The following PTPRQ variants were observed in gnomAD, a reference collection of about 807,000 sequenced individuals.
The protein encoded by PTPRQ is protein tyrosine phosphatase receptor type Q.
A neutral mutation model predicts 246.0 loss-of-function variants in PTPRQ; 199 were observed. That is an observed-to-expected ratio of 0.81 (90% confidence interval 0.72 to 0.91). The LOEUF (loss-of-function observed/expected upper bound fraction) is 0.91, where lower values mean the gene tolerates loss of function less well. Ranked by LOEUF, PTPRQ falls within the 40% of genes least tolerant of loss-of-function variation. The pLI is 0.00. For synonymous variants in PTPRQ, 869 were observed against 853.2 expected (o/e 1.02, Z -0.32); for missense variants, 2,624 against 2,528.4 (o/e 1.04, Z -0.81).
Position 80,499,995 on chromosome 12 carries a change from C to T in PTPRQ, c.2272+3464C>T, listed in dbSNP as rs114463882. ...TTACTGTAAGCCTTTAACAAAACAC[C>T]TTGTCTGATTTGGGGCAACAACCAT... On this transcript the variant is annotated intron_variant, in intron 14 of 44. Transcript: ENST00000644991. Among the ~76,000 whole-genome samples, 887 of 152,006 alleles carry T rather than the reference C, an allele frequency of 5.8e-3. 10 individuals are homozygous for T. Among genetic ancestry groups the T allele is most frequent in the African/African-American group, 0.021 (860 of 41,496 alleles).
chr12:80,641,185 G>C (rs1899843209), intron 35 of PTPRQ, among the ~76,000 whole-genome samples: 2 of 152,166 alleles, frequency 1.3e-5, no homozygotes, highest in African/African-American at 2.4e-5. Context: ...CTGATGCTCA[G>C]AAATGCCATT....
chr12:80,532,294 C>T (rs1032796010), intron 17 of PTPRQ, among the ~76,000 whole-genome samples: 1 of 151,956 alleles, frequency 6.6e-6, no homozygotes, highest in Non-Finnish European at 1.5e-5. Context: ...CCGATATTGG[C>T]TCACTTCAGC....
At chr12:80,641,682 G>A (rs1410800928) in intron 35 of PTPRQ, among the ~76,000 whole-genome samples, 1 of 152,160 alleles carries the variant, frequency 6.6e-6, no homozygotes, top group Non-Finnish European at 1.5e-5. Flanking sequence ...TTAAACTGAA[G>A]ATTTAATTGA....
chr12:80,555,005 T>C (rs1180765772), intron 25 of PTPRQ, among the ~76,000 whole-genome samples: 3 of 151,738 alleles, frequency 2.0e-5, no homozygotes, highest in African/African-American at 7.3e-5. Flanking sequence ...CCTCCACCTC[T>C]CAGGTTCAAG....
At chr12:80,575,495 T>C (rs904159457) in intron 25 of PTPRQ, among the ~76,000 whole-genome samples, 1 of 151,468 alleles carries the variant, frequency 6.6e-6, no homozygotes, top group African/African-American at 2.4e-5. Context: ...AGGTGGAGGA[T>C]TGCTTAAGCC....
chr12:80,624,293 CTATGTG>C (rs1899112973), intron 33 of PTPRQ, among the ~76,000 whole-genome samples: 1 of 152,118 alleles, frequency 6.6e-6, no homozygotes, highest in African/African-American at 2.4e-5. Flanking sequence ...AGGAAGGGTC[CTATGTG>C]TCTATGATCA....
chr12:80,478,173 C>A (rs1017875298), intron 8 of PTPRQ, among the ~76,000 whole-genome samples: 2 of 147,384 alleles, frequency 1.4e-5, no homozygotes, highest in African/African-American at 5.3e-5. Flanking sequence ...CAGCACGCAG[C>A]TGGAGATCTG....
rs145900554 is a variant in PTPRQ, at chr12:80,513,077, CT to C, written c.2678+2638del. Among the ~76,000 whole-genome samples the C allele has an allele frequency of 5.8e-3, 881 of 152,076 alleles. 10 individuals are homozygous for C. The highest frequency in any genetic ancestry group is 0.021 in the African/African-American group (855 of 41,462). ...CAGTGGGCGTGTGTTACAGTATGCT[CT>C]TTTAGTTTAGCCATCCGTAGGGGGC... On this transcript the variant is annotated intron_variant, in intron 17 of 44. Transcript: ENST00000644991.
Position 80,495,305 on chromosome 12 carries a change from G to T in PTPRQ, c.1816G>T (p.Ala606Ser). 1 of 1,545,446 alleles carries T rather than the reference G, an allele frequency of 6.5e-7. No homozygotes were observed. The highest frequency in any genetic ancestry group is 2.5e-5 in the East Asian group (1 of 40,710). Reference protein sequence around the residue: ...NGKITHYTIYAMELDTNRAFQ... With the variant: ...NGKITHYTIYSMELDTNRAFQ... ...AAAAATAACTCACTATACGATTTAT[G>T]CAATGGAATTGGATACAAACAGAGC... The change falls in exon 12 of 45, where the codon GCA (alanine) becomes TCA (serine). Residue 606 changes from alanine (A) to serine (S), a missense_variant. By Grantham distance (99) the Ala-to-Ser change is moderately conservative (BLOSUM62 1). Transcript: ENST00000644991.
At chr12:80,581,120 C>T (rs897185274) in intron 25 of PTPRQ, among the ~76,000 whole-genome samples, 5 of 152,138 alleles carry the variant, frequency 3.3e-5, no homozygotes, top group Non-Finnish European at 7.4e-5. Flanking sequence ...ATGGGATTAG[C>T]AAAGGGCAGC....
intron 22 of PTPRQ, 41 bp downstream of exon 22, chr12:80,542,405 G>C (rs747216190): frequency 9.3e-5 from 140 of 1,510,432 alleles, no homozygotes; most frequent in Middle Eastern, 1.7e-4. Context: ...TTTCACTGTT[G>C]CAGCGCCTGC....
At chr12:80,657,934 A>G in intron 38 of PTPRQ, 51 bp from the exon 39 acceptor site, 1 of 1,261,920 alleles carries the variant, frequency 7.9e-7, no homozygotes, top group Non-Finnish European at 1.1e-6. Flanking sequence ...TAAAAAAAGT[A>G]GTAACAATTT....
At chr12:80,522,536 C>T (rs1895533930) in intron 17 of PTPRQ, among the ~76,000 whole-genome samples, 1 of 152,076 alleles carries the variant, frequency 6.6e-6, no homozygotes, top group African/African-American at 2.4e-5. Flanking sequence ...AAATACGTCC[C>T]ATCAATACCT....
chr12:80,459,566 T>A (rs1185557081), intron 5 of PTPRQ, 83 bp downstream of exon 5: 1 of 397,112 alleles, frequency 2.5e-6, no homozygotes, highest in Admixed American at 4.4e-5. Context: ...AGATACTATA[T>A]TTTTACCAAA....
At chr12:80,604,157 C>A (rs1898233840) in intron 26 of PTPRQ, among the ~76,000 whole-genome samples, 1 of 151,338 alleles carries the variant, frequency 6.6e-6, no homozygotes. Flanking sequence ...ATAATGTTTG[C>A]CCATATGTAT....
At chr12:80,487,016 T>A (rs1344571856) in intron 9 of PTPRQ, among the ~76,000 whole-genome samples, 4 of 152,166 alleles carry the variant, frequency 2.6e-5, no homozygotes, top group African/African-American at 9.6e-5. Context: ...AACTTTTTAG[T>A]GAAGATGTTC....
chr12:80,575,872 A>AAAAAGAAAAG (rs200396697), intron 25 of PTPRQ, among the ~76,000 whole-genome samples: 2 of 151,396 alleles, frequency 1.3e-5, no homozygotes, highest in African/African-American at 4.9e-5. Flanking sequence ...AAAGAAAAAG[A>AAAAAGAAAAG]AAAAGAAAAG....
chr12:80,587,228 T>G (rs1341738455), intron 25 of PTPRQ, among the ~76,000 whole-genome samples: 1 of 152,196 alleles, frequency 6.6e-6, no homozygotes, highest in Non-Finnish European at 1.5e-5. Context: ...TTTCTAAATA[T>G]TTATTAATTT....
At chr12:80,594,827 A>G (rs1294892448) in intron 26 of PTPRQ, among the ~76,000 whole-genome samples, 1 of 152,098 alleles carries the variant, frequency 6.6e-6, no homozygotes, top group African/African-American at 2.4e-5. Context: ...TTTATCTCTT[A>G]GATAATTACA....
Sources: allele counts gnomAD v4.1 joint callset (sites outside exome capture counted in the v4.1 genomes callset), GRCh38; gene constraint gnomAD v4.1.1; transcripts MANE v1.5; gene names NCBI Gene and HGNC (gene_info 2026-07-23, HGNC 2026-07-21).